Variants in VDAC1 observed in about 807,000 individuals in gnomAD.
VDAC1 encodes the protein non-selective voltage-gated ion channel VDAC1.
VDAC1 carries 10 observed loss-of-function variants against 34.7 expected under a neutral mutation model. That is an observed-to-expected ratio of 0.29 (90% CI 0.18 to 0.49). The LOEUF is 0.49. Among genes scored for constraint, VDAC1 ranks in the 20% least tolerant of loss-of-function variants. The pLI, the probability that VDAC1 is intolerant of heterozygous loss-of-function variation, is 0.99. For missense variants in VDAC1, 230 were observed against 347.9 expected, an observed-to-expected ratio of 0.66 and a Z score of 2.69; for synonymous variants, 130 against 136.0, an observed-to-expected ratio of 0.96 and a Z score of 0.30.
chr5:134,073,771 G>A, the VDAC1 span, among the ~76,000 whole-genome samples: 1 of 152,130 alleles, frequency 6.6e-6, no homozygotes, highest in Admixed American at 6.5e-5. Flanking sequence ...ACCAGTAGCT[G>A]AAAAAGGAAG....
chr5:134,099,294 G>A, the VDAC1 span, among the ~76,000 whole-genome samples: 1,084 of 152,316 alleles, frequency 7.1e-3, 6 homozygotes, highest in Non-Finnish European at 9.5e-3. Flanking sequence ...TGTCACTGCA[G>A]AACTGCTCTT....
chr5:134,074,194 C>A, the VDAC1 span, among the ~76,000 whole-genome samples: 1 of 152,038 alleles, frequency 6.6e-6, no homozygotes, highest in Admixed American at 6.5e-5. Context: ...CACCTGTAGT[C>A]CCAGCTACTC....
At chr5:134,007,242 C>CA (rs56702014), upstream of VDAC1, among the ~76,000 whole-genome samples, 16,469 of 119,734 alleles carry the variant, frequency 0.14, 1,062 homozygotes, top group South Asian at 0.24. Context: ...GAAACTCTGC[C>CA]AAAAAAAAAA....
chr5:134,019,406 T>C, the VDAC1 span, among the ~76,000 whole-genome samples: 1 of 152,176 alleles, frequency 6.6e-6, no homozygotes, highest in Non-Finnish European at 1.5e-5. Context: ...AGTGAGACTC[T>C]GTCTCTATGA....
At chr5:133,977,537 A>T (rs974828585) in intron 6 of VDAC1, among the ~76,000 whole-genome samples, 6 of 152,316 alleles carry the variant, frequency 3.9e-5, no homozygotes, top group Admixed American at 2.6e-4. Context: ...TGCCCCACCC[A>T]GCTGAACAGC....
chr5:133,992,818 C>CT (rs767195546), intron 2 of VDAC1, 128 bp downstream of exon 2: 11 of 900,214 alleles, frequency 1.2e-5, no homozygotes, highest in East Asian at 2.9e-5. Context: ...ATGAAAGCTT[C>CT]TTTTTTCCCT....
At chr5:134,091,030 T>C in the VDAC1 span, among the ~76,000 whole-genome samples, 2 of 152,118 alleles carry the variant, frequency 1.3e-5, no homozygotes, top group Admixed American at 6.5e-5. Flanking sequence ...GGGCACAAAG[T>C]GGCCACGGAA....
At chr5:134,068,775 GCTTCTTCCC>G in the VDAC1 span, among the ~76,000 whole-genome samples, 23 of 152,088 alleles carry the variant, frequency 1.5e-4, no homozygotes, top group Non-Finnish European at 2.6e-4. Context: ...TTTGCATATT[GCTTCTTCCC>G]CATTCTCTCC....
chr5:134,069,339 T>A, the VDAC1 span, among the ~76,000 whole-genome samples: 2 of 152,122 alleles, frequency 1.3e-5, no homozygotes, highest in Admixed American at 1.3e-4. Context: ...AGAACATAGT[T>A]CTCAATACTT....
the VDAC1 span, among the ~76,000 whole-genome samples, chr5:134,056,842 C>T: frequency 2.0e-4 from 31 of 152,220 alleles, no homozygotes; most frequent in African/African-American, 6.3e-4. Context: ...TGCACCACCA[C>T]GCCCGGCTAA....
the VDAC1 span, among the ~76,000 whole-genome samples, chr5:134,102,748 G>A: frequency 6.6e-6 from 1 of 152,116 alleles, no homozygotes; most frequent in Non-Finnish European, 1.5e-5. Context: ...CATGACATGG[G>A]TGCTCTGGGT....
intron 6 of VDAC1, among the ~76,000 whole-genome samples, chr5:133,980,197 C>A (rs1388280655): frequency 6.6e-6 from 1 of 152,188 alleles, no homozygotes; most frequent in Admixed American, 6.5e-5. Context: ...CAATCTACTT[C>A]AATTCTCAAG....
the VDAC1 span, among the ~76,000 whole-genome samples, chr5:134,107,080 T>C: frequency 4.6e-5 from 7 of 152,234 alleles, no homozygotes; most frequent in Non-Finnish European, 8.8e-5. Flanking sequence ...ACCCCTGCTC[T>C]AGCCTCCAGC....
intron 5 of VDAC1, among the ~76,000 whole-genome samples, chr5:133,986,820 A>G (rs1295796614): frequency 1.3e-5 from 2 of 152,212 alleles, no homozygotes; most frequent in African/African-American, 2.4e-5. Context: ...AAATAAAGAC[A>G]TGCTCTGAAA....
chr5:134,085,722 T>TAAAAAAAGAAAAA, the VDAC1 span, among the ~76,000 whole-genome samples: 1 of 44,224 alleles, frequency 2.3e-5, no homozygotes, highest in Non-Finnish European at 3.7e-5. Context: ...ACCCCATTTC[T>TAAAAAAAGAAAAA]AAAAAAAAAA....
At chr5:134,010,433 A>G in the VDAC1 span, among the ~76,000 whole-genome samples, 2 of 152,126 alleles carry the variant, frequency 1.3e-5, no homozygotes, top group African/African-American at 4.8e-5. Flanking sequence ...CCCTGCCTCT[A>G]CTAAAAATAC....
At chr5:134,114,269 G>A in the VDAC1 span, among the ~76,000 whole-genome samples, 1 of 152,218 alleles carries the variant, frequency 6.6e-6, no homozygotes, top group South Asian at 2.1e-4. Context: ...GCCTCAAGCA[G>A]CCTCAAGCCC....
At chr5:134,098,309 T>A in the VDAC1 span, among the ~76,000 whole-genome samples, 1 of 151,778 alleles carries the variant, frequency 6.6e-6, no homozygotes, top group Non-Finnish European at 1.5e-5. Flanking sequence ...GCAATTCTCC[T>A]GCCTCAGCCT....
the VDAC1 span, among the ~76,000 whole-genome samples, chr5:134,029,800 T>C: frequency 6.6e-6 from 1 of 152,176 alleles, no homozygotes; most frequent in South Asian, 2.1e-4. Flanking sequence ...AAGGATAGCC[T>C]GTGGGAGGTC....
Sources: gnomAD v4.1 joint callset for allele counts (sites outside exome capture counted in the v4.1 genomes callset) on GRCh38, gnomAD v4.1.1 for gene constraint, MANE v1.5 for transcripts, NCBI Gene and HGNC (gene_info 2026-07-23, HGNC 2026-07-21) for gene names.